LRRC75A: variants seen among roughly 807,000 people sequenced by gnomAD.
LRRC75A encodes the protein leucine rich repeat containing 75A, also known as leucine-rich repeat-containing protein 75A.
Under a neutral mutation model 26.0 loss-of-function variants are expected in LRRC75A, and 12 were observed. The ratio of observed to expected loss-of-function variants is 0.46; its 90% CI spans 0.30 to 0.75. The LOEUF (loss-of-function observed/expected upper bound fraction) is 0.75. LRRC75A is among the 30% of genes least tolerant of loss of function. LRRC75A has a pLI of 0.08. For synonymous variants in LRRC75A, 223 were observed against 219.3 expected, an observed-to-expected ratio of 1.02 and a Z score of -0.15; for missense variants, 410 against 486.6, an observed-to-expected ratio of 0.84 and a Z score of 1.48.
At chr17:16,472,755 A>C (rs1476861276) in intron 1 of LRRC75A, among the ~76,000 whole-genome samples, 2 of 152,236 alleles carry the variant, frequency 1.3e-5, no homozygotes, top group Non-Finnish European at 2.9e-5. Context: ...TTTTAAGCAG[A>C]ACACCGGAAG....
At chr17:16,448,291 T>G in intron 2 of LRRC75A, 2 of 371,688 alleles carry the variant, frequency 5.4e-6, no homozygotes, top group Middle Eastern at 3.8e-4. Flanking sequence ...CACTCCCCAA[T>G]GTCCAGGGCC....
At position 16,447,906 on chromosome 17, in the gene LRRC75A, G is replaced by A; in HGVS notation, c.430C>T (p.Leu144Phe). 6.4e-7 allele frequency: 1 copy of A among 1,550,894 alleles called. No individual in the cohort carries two copies. Among genetic ancestry groups the A allele is most frequent in the South Asian group, 1.2e-5 (1 of 84,016 alleles). ...CGCCTCCACTGGGAGTGGGGGCTGA[G>A]GTGGTATGTCAGCTGCCGGCACAGC... ...EKLCRQLTYH[L>F]SPHSQWRRHR... is the part of the protein sequence containing the mutation. The change falls in exon 3 of 4, where the codon CTC becomes TTC. Residue 144 changes from leucine to phenylalanine, a missense_variant. Transcript: ENST00000470794.
At chr17:16,487,149 G>A (rs1335285159) in intron 1 of LRRC75A, among the ~76,000 whole-genome samples, 2 of 152,154 alleles carry the variant, frequency 1.3e-5, no homozygotes, top group African/African-American at 2.4e-5. Flanking sequence ...TCTGAGCTTC[G>A]GCTGACATGC....
At chr17:16,445,158 A>ATTTTTTTTTTTTTTTTTTTT (rs766449990) in intron 3 of LRRC75A, among the ~76,000 whole-genome samples, 1 of 69,716 alleles carries the variant, frequency 1.4e-5, no homozygotes. Flanking sequence ...CATTTTCTGC[A>ATTTTTTTTTTTTTTTTTTTT]TTTTTTTTTT....
Position 16,469,715 on chromosome 17 carries a change from A to C in LRRC75A, c.247-7329T>G, listed in dbSNP as rs2093796145. Among the ~76,000 whole-genome samples, 4 of 152,240 alleles carry C rather than the reference A, an allele frequency of 2.6e-5. No individual in the cohort carries two copies. The South Asian group carries it at 8.3e-4, about 32-fold the overall frequency. ...ACAACAGTGAAGTCCATGGAAATCT[A>C]TAACAATGTCTGTATGTTCAGGACA... On this transcript the variant is annotated intron_variant, in intron 1 of 3. Coordinates refer to ENST00000470794, the MANE Select transcript of LRRC75A (RefSeq NM_001113567.3).
chr17:16,444,313 C>G (rs548705827), intron 3 of LRRC75A, among the ~76,000 whole-genome samples, 182 bp from the exon 4 acceptor site: 2 of 152,194 alleles, frequency 1.3e-5, no homozygotes, highest in African/African-American at 2.4e-5. Flanking sequence ...CTGACACTGC[C>G]GCACGTCTCA....
At chr17:16,447,284 G>C (rs919057128) in intron 3 of LRRC75A, among the ~76,000 whole-genome samples, 1 of 151,826 alleles carries the variant, frequency 6.6e-6, no homozygotes, top group Non-Finnish European at 1.5e-5. Flanking sequence ...GACAGGGCTG[G>C]GGTCTGGGTC....
intron 2 of LRRC75A, 66 bp from the exon 3 acceptor site, chr17:16,448,026 T>C: frequency 7.1e-7 from 1 of 1,404,120 alleles, no homozygotes; most frequent in Non-Finnish European, 9.8e-7. Flanking sequence ...GCCCCCAGGC[T>C]TCCTGTCTCC....
Position 16,462,268 on chromosome 17 carries a change from C to G in LRRC75A, c.365G>C (p.Cys122Ser). 1 of 1,614,002 alleles carries G rather than the reference C, an allele frequency of 6.2e-7. No individual in the cohort carries two copies. Residue 122 changes from cysteine (C) to serine (S), a missense_variant, in exon 2 of 4, where the codon TGT (cysteine) becomes TCT (serine). Physicochemically the swap from Cys to Ser is moderately radical, Grantham distance 112 (BLOSUM62 -1). Transcript: ENST00000470794. This position sits in a 1 kb window ranked among gnomAD's most constrained non-coding sequence, Gnocchi z 4.6. ...CCACAGCCACCCTACCGGCTTGGGA[C>G]AGTGGATGTAGCGTGCCAGGCTGAT... The part of the protein sequence containing the change: ...LIISLARYIH[C>S]PKPEGDALGA...
At chr17:16,487,087 T>C (rs1033046673) in intron 1 of LRRC75A, among the ~76,000 whole-genome samples, 2 of 152,198 alleles carry the variant, frequency 1.3e-5, no homozygotes, top group Non-Finnish European at 2.9e-5. Context: ...GGAAAAACTC[T>C]GCATGGATTG....
intron 2 of LRRC75A, among the ~76,000 whole-genome samples, chr17:16,450,405 C>T (rs1195225834): frequency 1.3e-5 from 2 of 151,982 alleles, no homozygotes; most frequent in African/African-American, 4.8e-5. Flanking sequence ...TGGAGGAGGC[C>T]CCTGGGCTCC....
intron 1 of LRRC75A, among the ~76,000 whole-genome samples, chr17:16,476,741 T>C (rs1420013446): frequency 7.3e-6 from 1 of 136,442 alleles, no homozygotes; most frequent in Non-Finnish European, 1.6e-5. Context: ...GATTTTTTTT[T>C]TTTTTTTTTT....
At chr17:16,453,352 A>G (rs1030394680) in intron 2 of LRRC75A, among the ~76,000 whole-genome samples, 3 of 111,064 alleles carry the variant, frequency 2.7e-5, no homozygotes, top group South Asian at 2.9e-4. Context: ...GCACACGCAC[A>G]CACACACACA....
intron 2 of LRRC75A, among the ~76,000 whole-genome samples, chr17:16,455,539 C>T (rs1032423729): frequency 2.6e-5 from 4 of 152,060 alleles, no homozygotes; most frequent in African/African-American, 9.7e-5. Flanking sequence ...CCATCCATGC[C>T]CGGCTAATTT....
At chr17:16,457,843 G>A (rs2093697143) in intron 2 of LRRC75A, among the ~76,000 whole-genome samples, 1 of 151,780 alleles carries the variant, frequency 6.6e-6, no homozygotes, top group Admixed American at 6.6e-5. Context: ...GCATGGTGGT[G>A]CCTGCCTGCA....
intron 1 of LRRC75A, among the ~76,000 whole-genome samples, chr17:16,477,010 T>G (rs1458702991): frequency 6.6e-6 from 1 of 151,204 alleles, no homozygotes; most frequent in Non-Finnish European, 1.5e-5. Context: ...AGTGCTGGGA[T>G]TACAGGCGTG....
intron 1 of LRRC75A, among the ~76,000 whole-genome samples, chr17:16,487,025 C>A (rs1477622079): frequency 3.3e-5 from 5 of 152,152 alleles, no homozygotes; most frequent in African/African-American, 4.8e-5. Context: ...GGTGGTGGGT[C>A]TCCGCCCTCA....
In LRRC75A at chr17:16,441,761, G is replaced by T. The variant is rs1034163468; in HGVS notation, c.*1827C>A. On this transcript the variant is annotated 3_prime_UTR_variant, in exon 4 of 4. Coordinates refer to ENST00000470794, the MANE Select transcript of LRRC75A (RefSeq NM_001113567.3). ...TTTGTTGAGACGGATTCTCTATGTT[G>T]CCCAGGCTGGTCTCAGGCTCCTGGG... 6 of 220,954 alleles carry T rather than the reference G, an allele frequency of 2.7e-5. No homozygotes were observed. Among genetic ancestry groups the T allele is most frequent in the Non-Finnish European group, 5.6e-5 (6 of 107,130 alleles). 13.7% of individuals were successfully genotyped at this position (220,954 alleles called of 1,614,324 possible).
Position 16,453,336 on chromosome 17 carries a change from ACACACGCACACG to A in LRRC75A, c.376-5388_376-5377del, listed in dbSNP as rs111640316. Reference sequence around the variant, plus strand: ...CGCACACACGCACACACGCACACGCACACACGCACACGCACACACACACACACGAGAACAGAG... The same window carrying A: ...CGCACACACGCACACACGCACACGCACACACACACACACACGAGAACAGAG... On this transcript the variant is annotated intron_variant, in intron 2 of 3. Coordinates refer to ENST00000470794, the MANE Select transcript of LRRC75A (RefSeq NM_001113567.3). Among the ~76,000 whole-genome samples, 166 of 137,396 alleles carry A rather than the reference ACACACGCACACG, an allele frequency of 1.2e-3. 1 individual carries two copies. Among genetic ancestry groups the A allele is most frequent in the Non-Finnish European group, 1.2e-3 (75 of 61,982 alleles). 90.1% of individuals were successfully genotyped at this position (137,396 alleles called of 152,430 possible). A position where few individuals can be genotyped will look rare whatever the true frequency, so the allele number is the denominator to read the frequency against.
Sources: allele counts gnomAD v4.1 joint callset (sites outside exome capture counted in the v4.1 genomes callset), GRCh38; gene constraint gnomAD v4.1.1; non-coding constraint Gnocchi (gnomAD v3.1); transcripts MANE v1.5; gene names NCBI Gene and HGNC (gene_info 2026-07-23, HGNC 2026-07-21).